Variants in LMBR1 observed in about 807,000 individuals in gnomAD.
The protein encoded by LMBR1 is limb region 1 protein homolog.
Under a neutral mutation model 73.9 loss-of-function variants are expected in LMBR1, and 52 were observed. The ratio of observed to expected loss-of-function variants is 0.70; its 90% CI spans 0.56 to 0.89. The LOEUF (loss-of-function observed/expected upper bound fraction) is 0.89, where lower values mean the gene tolerates loss of function less well. Among genes scored for constraint, LMBR1 ranks in the 40% least tolerant of loss-of-function variants. LMBR1 has a pLI of 0.00. For missense variants in LMBR1, 539 were observed against 579.8 expected (o/e 0.93, Z 0.72); for synonymous variants, 215 against 209.4 (o/e 1.03, Z -0.23).
At chr7:156,802,450 T>G (rs1284798627) in intron 4 of LMBR1, among the ~76,000 whole-genome samples, 1 of 152,142 alleles carries the variant, frequency 6.6e-6, no homozygotes. Flanking sequence ...CAAACAATAT[T>G]ACAATCCATA....
chr7:156,833,966 A>T (rs976646208), intron 2 of LMBR1, among the ~76,000 whole-genome samples, 174 bp from the exon 3 acceptor site: 5 of 152,216 alleles, frequency 3.3e-5, no homozygotes, highest in Non-Finnish European at 7.4e-5. Context: ...TCATTAAATC[A>T]AGTAGTATGG....
intron 1 of LMBR1, among the ~76,000 whole-genome samples, chr7:156,869,488 A>G (rs1252923772): frequency 2.0e-5 from 3 of 152,210 alleles, no homozygotes; most frequent in Admixed American, 6.5e-5. Context: ...GAAGGAAAGA[A>G]CATAAAATAC....
chr7:156,724,209 C>T (rs1450107874), intron 14 of LMBR1, 31 bp from the exon 15 acceptor site: 3 of 1,502,776 alleles, frequency 2.0e-6, no homozygotes, highest in Middle Eastern at 1.7e-4. Context: ...GAATATTGGG[C>T]AGTTAAACAG....
intron 15 of LMBR1, among the ~76,000 whole-genome samples, chr7:156,723,477 C>A (rs1815054244): frequency 2.0e-5 from 3 of 152,068 alleles, no homozygotes; most frequent in Non-Finnish European, 4.4e-5. Flanking sequence ...AGAATATGGT[C>A]TACAATAGCA....
intron 9 of LMBR1, among the ~76,000 whole-genome samples, chr7:156,738,442 C>A (rs1818296971): frequency 6.6e-6 from 1 of 152,164 alleles, no homozygotes; most frequent in Admixed American, 6.5e-5. Context: ...GCAAGTCCTG[C>A]TGCTGGGCTG....
At position 156,833,741 on chromosome 7, in the gene LMBR1, TA is replaced by T; in HGVS notation, c.179+11del. 1 of 1,590,154 alleles carries T rather than the reference TA, an allele frequency of 6.3e-7. No homozygotes were observed. The highest frequency in any genetic ancestry group is 8.6e-7 in the Non-Finnish European group (1 of 1,166,640). On this transcript the variant is annotated intron_variant, in intron 3 of 16. Transcript: ENST00000353442. ...AATCAGAAACAGAACAACTGAACTT[TA>T]AAATACATACGAAATCCTGTTGACG...
At chr7:156,883,432 T>A (rs1801402611) in intron 1 of LMBR1, among the ~76,000 whole-genome samples, 1 of 151,808 alleles carries the variant, frequency 6.6e-6, no homozygotes, top group African/African-American at 2.4e-5. Context: ...TAGGAAGACA[T>A]GAAAAATTAT....
intron 1 of LMBR1, among the ~76,000 whole-genome samples, chr7:156,864,111 G>C (rs12540902): frequency 9.2e-5 from 14 of 152,004 alleles, no homozygotes; most frequent in African/African-American, 2.9e-4. Context: ...CTGAGATCAC[G>C]CCACTGCACT....
chr7:156,854,235 T>C (rs1796637984), intron 1 of LMBR1, among the ~76,000 whole-genome samples: 1 of 152,170 alleles, frequency 6.6e-6, no homozygotes. Flanking sequence ...CAAAAGCCCT[T>C]GTACAGAAGC....
chr7:156,728,015 A>T lies in LMBR1; in HGVS notation c.916-8T>A. ...CAAGAGGACCGAGATGGACTACAAG[A>T]CAAACAGCAAACTGTCAGCTCTCAA... On this transcript the variant is annotated splice_region_variant and splice_polypyrimidine_tract_variant and intron_variant, in intron 11 of 16. Coordinates refer to ENST00000353442, the MANE Select transcript of LMBR1 (RefSeq NM_022458.4). 6.2e-7 allele frequency: 1 copy of T among 1,607,580 alleles called. No individual in the cohort carries two copies. Among genetic ancestry groups the T allele is most frequent in the Non-Finnish European group, 8.5e-7 (1 of 1,175,184 alleles).
In LMBR1 at chr7:156,680,403, A is replaced by AGAGAGAGAGTGTGTGTGTGTGTGT. The variant is rs1343950098; in HGVS notation, c.*3674_*3675insACACACACACACACACTCTCTCTC. 5 of 125,168 alleles carry AGAGAGAGAGTGTGTGTGTGTGTGT rather than the reference A, an allele frequency of 4.0e-5. No homozygotes were observed. Among genetic ancestry groups the AGAGAGAGAGTGTGTGTGTGTGTGT allele is most frequent in the African/African-American group, 1.5e-4 (5 of 32,668 alleles). The allele number at this position is 125,168 out of a possible 1,614,324, so 7.8% of individuals were successfully genotyped here. A position where few individuals can be genotyped will look rare whatever the true frequency, so the allele number is the denominator to read the frequency against. On this transcript the variant is annotated 3_prime_UTR_variant, in exon 17 of 17. Coordinates refer to ENST00000353442, the MANE Select transcript of LMBR1 (RefSeq NM_022458.4). ...GAGAGAGAGAGAGAGAGAGAGAGAGAGTGTGTGTGTGTGTGTGTGTGTAAT... is the reference window on the plus strand; with the variant it reads ...GAGAGAGAGAGAGAGAGAGAGAGAGAGAGAGAGAGTGTGTGTGTGTGTGTGTGTGTGTGTGTGTGTGTGTGTAAT...
Position 156,680,262 on chromosome 7 carries a change from C to G in LMBR1, c.*3816G>C, listed in dbSNP as rs1489006476. The G allele has an allele frequency of 6.6e-6, 1 of 151,816 alleles. No individual in the cohort carries two copies. The highest frequency in any genetic ancestry group is 2.4e-5 in the African/African-American group (1 of 41,294). The allele number at this position is 151,816 out of a possible 1,614,324, so 9.4% of individuals were successfully genotyped here. Reference sequence around the variant, plus strand: ...CATCTATTAGGAGGCCACAAAGTAACTTAGTGTCTGTGTCTAGTATTTTTA... The same window carrying G: ...CATCTATTAGGAGGCCACAAAGTAAGTTAGTGTCTGTGTCTAGTATTTTTA... On this transcript the variant is annotated 3_prime_UTR_variant, in exon 17 of 17. Coordinates refer to ENST00000353442, the MANE Select transcript of LMBR1 (RefSeq NM_022458.4).
At chr7:156,706,359 G>C (rs534664033) in intron 15 of LMBR1, among the ~76,000 whole-genome samples, 4 of 151,654 alleles carry the variant, frequency 2.6e-5, no homozygotes, top group Non-Finnish European at 4.4e-5. Flanking sequence ...AGCTTATCGA[G>C]AAAAAAAATC....
At chr7:156,798,631 A>G (rs892800803) in intron 4 of LMBR1, among the ~76,000 whole-genome samples, 59 of 152,154 alleles carry the variant, frequency 3.9e-4, no homozygotes, top group African/African-American at 1.1e-3. Flanking sequence ...TCTCTTCTTT[A>G]TGGTTTCCAA....
chr7:156,841,819 G>A (rs1016388298), intron 1 of LMBR1, among the ~76,000 whole-genome samples: 4 of 152,124 alleles, frequency 2.6e-5, no homozygotes, highest in Admixed American at 1.3e-4. Context: ...CTTTCCAGGA[G>A]TTTGATTATA....
At chr7:156,750,793 G>A (rs1040475541) in intron 9 of LMBR1, among the ~76,000 whole-genome samples, 1 of 152,086 alleles carries the variant, frequency 6.6e-6, no homozygotes, top group African/African-American at 2.4e-5. Flanking sequence ...AAGGTGCGGT[G>A]GCTCCCACCT....
chr7:156,887,159 A>G (rs1047766461), intron 1 of LMBR1, among the ~76,000 whole-genome samples: 5 of 152,342 alleles, frequency 3.3e-5, no homozygotes, highest in African/African-American at 1.2e-4. Context: ...AAATTATTAC[A>G]TGAGTATTTA....
chr7:156,764,563 A>G (rs1460824050), intron 5 of LMBR1, among the ~76,000 whole-genome samples: 1 of 152,220 alleles, frequency 6.6e-6, no homozygotes, highest in African/African-American at 2.4e-5. Context: ...CTATAAGTTA[A>G]AGCATCATAT....
chr7:156,778,092 CAT>C (rs375995338), intron 5 of LMBR1, among the ~76,000 whole-genome samples: 73 of 152,322 alleles, frequency 4.8e-4, no homozygotes, highest in African/African-American at 1.6e-3. Context: ...TACATACTCA[CAT>C]GTTTAAGCAG....
Sources: allele counts gnomAD v4.1 joint callset (sites outside exome capture counted in the v4.1 genomes callset), GRCh38; gene constraint gnomAD v4.1.1; transcripts MANE v1.5; gene names NCBI Gene and HGNC (gene_info 2026-07-23, HGNC 2026-07-21).